The following GULP1 variants were observed in gnomAD, a reference collection of about 807,000 sequenced individuals.
The protein encoded by GULP1 is GULP PTB domain containing engulfment adaptor 1.
Under a neutral mutation model 40.9 loss-of-function variants are expected in GULP1, and 19 were observed. That is an observed-to-expected ratio of 0.46 (90% CI 0.32 to 0.68). GULP1 has a LOEUF of 0.68. GULP1 is among the 30% of genes least tolerant of loss of function. The probability of loss-of-function intolerance (pLI) is 0.03; values close to 1 mark genes in which losing one functional copy is unlikely to be tolerated. For synonymous variants in GULP1, 119 were observed against 117.6 expected, an observed-to-expected ratio of 1.01 and a Z score of -0.08; for missense variants, 312 against 362.2, an observed-to-expected ratio of 0.86 and a Z score of 1.12.
At chr2:188,538,694 AGTGTGTGTGTGT>A (rs113650180) in intron 6 of GULP1, among the ~76,000 whole-genome samples, 2 of 144,726 alleles carry the variant, frequency 1.4e-5, no homozygotes, top group Non-Finnish European at 3.1e-5. Context: ...TGTGTGTGTG[AGTGTGTGTGTGT>A]GTGTGTGTGT....
chr2:188,334,134 G>A (rs1400451018), intron 1 of GULP1, among the ~76,000 whole-genome samples: 1 of 152,164 alleles, frequency 6.6e-6, no homozygotes, highest in Non-Finnish European at 1.5e-5. Flanking sequence ...CTTTGGAAGA[G>A]TGTTCCCAAA....
chr2:188,412,289 C>T (rs945674563), intron 2 of GULP1, among the ~76,000 whole-genome samples: 4 of 151,998 alleles, frequency 2.6e-5, no homozygotes, highest in Non-Finnish European at 4.4e-5. Context: ...AAAGGTTAAC[C>T]GCCCCCATGA....
At chr2:188,293,599 T>C (rs1027432756) in intron 1 of GULP1, among the ~76,000 whole-genome samples, 2 of 147,942 alleles carry the variant, frequency 1.4e-5, no homozygotes, top group Admixed American at 6.7e-5. Context: ...TGCCAGTCTT[T>C]CCCTTTTCCC....
intron 2 of GULP1, among the ~76,000 whole-genome samples, chr2:188,389,836 A>T (rs779111267): frequency 1.3e-4 from 20 of 152,202 alleles, no homozygotes; most frequent in Non-Finnish European, 2.5e-4. Flanking sequence ...ATGCCTTTGC[A>T]TACCCATAGC....
intron 2 of GULP1, among the ~76,000 whole-genome samples, chr2:188,431,187 G>A (rs1286829397): frequency 1.3e-5 from 2 of 152,094 alleles, no homozygotes; most frequent in African/African-American, 4.8e-5. Flanking sequence ...ATTAAGAAAA[G>A]CCAGGAGTAC....
chr2:188,547,356 AG>A (rs1170933689), intron 7 of GULP1, among the ~76,000 whole-genome samples: 2 of 152,018 alleles, frequency 1.3e-5, no homozygotes, highest in Admixed American at 1.3e-4. Context: ...AGATGGATAG[AG>A]CTAATATATA....
intron 1 of GULP1, among the ~76,000 whole-genome samples, chr2:188,317,358 A>C (rs2039256242): frequency 6.6e-6 from 1 of 152,208 alleles, no homozygotes; most frequent in South Asian, 2.1e-4. Flanking sequence ...ATATACTGGA[A>C]GTAAAGTGAT....
intron 1 of GULP1, among the ~76,000 whole-genome samples, chr2:188,360,072 A>G (rs567354657): frequency 1.3e-5 from 2 of 152,014 alleles, no homozygotes; most frequent in Non-Finnish European, 2.9e-5. Context: ...TTGTTTTCCC[A>G]TTGGCAAGAT....
At chr2:188,301,196 C>G (rs2036074957) in intron 1 of GULP1, among the ~76,000 whole-genome samples, 1 of 152,026 alleles carries the variant, frequency 6.6e-6, no homozygotes, top group Admixed American at 6.6e-5. Context: ...TAAATTTTTA[C>G]AATTCCTTCT....
At chr2:188,322,155 G>A (rs13386579) in intron 1 of GULP1, among the ~76,000 whole-genome samples, 3,423 of 152,124 alleles carry the variant, frequency 0.023, 139 homozygotes, top group African/African-American at 0.078. Flanking sequence ...AATTTGCAGG[G>A]GTTTCAGGTT....
At chr2:188,534,976 C>G (rs1024239158) in intron 6 of GULP1, among the ~76,000 whole-genome samples, 1 of 151,370 alleles carries the variant, frequency 6.6e-6, no homozygotes, top group African/African-American at 2.4e-5. Flanking sequence ...GTCCACAAGT[C>G]TCGATTTCCT....
At position 188,524,141 on chromosome 2, in the gene GULP1, A is replaced by G. The variant is rs558330372; in HGVS notation, c.162+1314A>G. Among the ~76,000 whole-genome samples, 504 of 152,336 alleles carry G rather than the reference A, an allele frequency of 3.3e-3. 1 individual carries two copies. The highest frequency in any genetic ancestry group is 6.4e-3 in the Non-Finnish European group (434 of 68,008). On this transcript the variant is annotated intron_variant, in intron 5 of 11. Transcript: ENST00000409830. ...CACTACAATCAGAATGTTTTATGAA[A>G]GAACAATGTTATTTACACATAGTAT...
intron 1 of GULP1, among the ~76,000 whole-genome samples, chr2:188,339,435 A>G (rs1370727875): frequency 6.6e-6 from 1 of 152,170 alleles, no homozygotes; most frequent in African/African-American, 2.4e-5. Flanking sequence ...CTTTGGATGG[A>G]AAATTCTCAC....
At chr2:188,438,407 A>G (rs1312608848) in intron 2 of GULP1, among the ~76,000 whole-genome samples, 1 of 150,768 alleles carries the variant, frequency 6.6e-6, no homozygotes, top group Non-Finnish European at 1.5e-5. Context: ...ACATTATATA[A>G]TTATTTTAAT....
intron 2 of GULP1, among the ~76,000 whole-genome samples, chr2:188,385,135 A>C (rs1206994548): frequency 6.6e-6 from 1 of 152,170 alleles, no homozygotes; most frequent in Non-Finnish European, 1.5e-5. Flanking sequence ...CTGCCCTAGG[A>C]GAGGTTCTCC....
chr2:188,451,692 G>A (rs571352814), intron 2 of GULP1, among the ~76,000 whole-genome samples: 210 of 151,652 alleles, frequency 1.4e-3, no homozygotes, highest in Non-Finnish European at 2.5e-3. Flanking sequence ...CCTGCACTTT[G>A]TAAACTATGT....
intron 1 of GULP1, among the ~76,000 whole-genome samples, chr2:188,318,255 A>G (rs980859690): frequency 2.0e-5 from 3 of 151,294 alleles, no homozygotes; most frequent in African/African-American, 4.9e-5. Flanking sequence ...TTAGTGAATC[A>G]GAGTAAGTCT....
At chr2:188,484,454 G>C (rs879539581) in intron 4 of GULP1, among the ~76,000 whole-genome samples, 1 of 152,050 alleles carries the variant, frequency 6.6e-6, no homozygotes, top group Admixed American at 6.6e-5. Flanking sequence ...ATTTCGAAGA[G>C]TCAGAAATGA....
rs375092340 is a variant in GULP1, at chr2:188,443,726, G to T, written c.-44-33933G>T. Among the ~76,000 whole-genome samples the T allele has an allele frequency of 3.5e-5, 5 of 143,878 alleles. 1 individual carries two copies. The highest frequency in any genetic ancestry group is 4.4e-4 in the South Asian group (2 of 4,568). 94.4% of individuals were successfully genotyped at this position (143,878 alleles called of 152,430 possible). On this transcript the variant is annotated intron_variant, in intron 2 of 11. Coordinates refer to ENST00000409830, the MANE Select transcript of GULP1 (RefSeq NM_016315.4). The stretch of plus-strand genomic sequence containing the variant: ...TTTTGAGACAGAGTCTTGCTCTGTC[G>T]CCCAGGCTGGAGTGCAATGGCACGA...
Sources: gnomAD v4.1 joint callset for allele counts (sites outside exome capture counted in the v4.1 genomes callset) on GRCh38, gnomAD v4.1.1 for gene constraint, MANE v1.5 for transcripts, NCBI Gene and HGNC (gene_info 2026-07-23, HGNC 2026-07-21) for gene names.